The following COL4A4 variants were observed in gnomAD, a reference collection of about 807,000 sequenced individuals.
COL4A4 encodes the protein collagen alpha-4(IV) chain.
A neutral mutation model predicts 192.9 loss-of-function variants in COL4A4; 105 were observed. The observed-to-expected ratio is 0.54, with a 90% CI of 0.46 to 0.64. The LOEUF (loss-of-function observed/expected upper bound fraction) is 0.64. Among genes scored for constraint, COL4A4 ranks in the 30% least tolerant of loss-of-function variants. The pLI, the probability that COL4A4 is intolerant of heterozygous loss-of-function variation, is 0.00. For missense variants in COL4A4, 1,967 were observed against 2,169.3 expected (o/e 0.91, Z 1.85); for synonymous variants, 762 against 769.9 (o/e 0.99, Z 0.17).
intron 23 of COL4A4, among the ~76,000 whole-genome samples, chr2:227,081,506 C>G (rs901399732): frequency 3.9e-5 from 6 of 152,062 alleles, no homozygotes; most frequent in Admixed American, 3.9e-4. Flanking sequence ...ACTTTTGAGG[C>G]TTTTGGACTC....
intron 28 of COL4A4, 92 bp downstream of exon 28, chr2:227,059,313 T>A (rs1329398181): frequency 1.9e-6 from 2 of 1,077,556 alleles, no homozygotes; most frequent in East Asian, 4.7e-5. Flanking sequence ...ATATTCTACA[T>A]GCCTAAAGCA....
At chr2:227,013,990 G>T (rs1006998052) in intron 44 of COL4A4, among the ~76,000 whole-genome samples, 1 of 152,186 alleles carries the variant, frequency 6.6e-6, no homozygotes, top group Admixed American at 6.5e-5. Context: ...ATGCATGGAG[G>T]TTTAAGGAGG....
Position 227,077,874 on chromosome 2 carries a change from T to TA in COL4A4, c.1987+19dup. On this transcript the variant is annotated intron_variant, in intron 25 of 47. Transcript: ENST00000396625. ...TGTACCCCAAAGCTATTGAAATAAA[T>TA]AAAATTTTTTTAAAATTACCTTTCT... 6.2e-7 allele frequency: 1 copy of TA among 1,603,186 alleles called. No individual in the cohort carries two copies. The highest frequency in any genetic ancestry group is 1.3e-5 in the African/African-American group (1 of 74,682).
chr2:227,007,142 A>G lies in COL4A4; in HGVS notation c.*183T>C. 2 of 813,508 alleles carry G rather than the reference A, an allele frequency of 2.5e-6. No homozygotes were observed. The highest frequency in any genetic ancestry group is 3.1e-5 in the South Asian group (2 of 65,324). 50.4% of individuals were successfully genotyped at this position (813,508 alleles called of 1,614,324 possible). On this transcript the variant is annotated 3_prime_UTR_variant, in exon 48 of 48. Transcript: ENST00000396625. Reference sequence around the variant, plus strand: ...TAGATTGGGAGGTCCAAACAAATCCATCTGTGCAGCATTTGCTTAATGTGT... The same window carrying G: ...TAGATTGGGAGGTCCAAACAAATCCGTCTGTGCAGCATTTGCTTAATGTGT...
chr2:227,095,725 T>G (rs2150706294), intron 19 of COL4A4, among the ~76,000 whole-genome samples: 1 of 152,258 alleles, frequency 6.6e-6, no homozygotes, highest in Middle Eastern at 3.4e-3. Flanking sequence ...TGAAACCCCA[T>G]CTCTACTAAA....
rs770419378 is a variant in COL4A4 at position 227,010,468 on chromosome 2, T to A, written c.4367A>T (p.Lys1456Ile). 1.3e-6 allele frequency: 2 copies of A among 1,597,588 alleles called. No homozygotes were observed. Among genetic ancestry groups the A allele is most frequent in the African/African-American group, 2.7e-5 (2 of 74,238 alleles). Residue 1456 changes from lysine (K) to isoleucine (I), a missense_variant, in exon 46 of 48, where the codon AAA becomes ATA. Physicochemically the swap from Lys to Ile is moderately radical, Grantham distance 102. Coordinates refer to ENST00000396625, the MANE Select transcript of COL4A4 (RefSeq NM_000092.5). ...PPGPIGDPGP[K>I]GFGPGYLGGF... ...ACCGAGGTATCCAGGGCCAAACCCT[T>A]TGGGCCCAGGATCCCCAATGGGACC...
intron 7 of COL4A4, among the ~76,000 whole-genome samples, chr2:227,116,718 A>G (rs2061509039): frequency 6.6e-6 from 1 of 152,236 alleles, no homozygotes; most frequent in Non-Finnish European, 1.5e-5. Flanking sequence ...CTTAGTAAAG[A>G]GAAACCAGGA....
chr2:226,979,120 C>G, the COL4A4 span, among the ~76,000 whole-genome samples: 1 of 152,068 alleles, frequency 6.6e-6, no homozygotes, highest in African/African-American at 2.4e-5. Flanking sequence ...AGCCTCAAAA[C>G]AAAGGAAACC....
At position 227,059,809 on chromosome 2, in the gene COL4A4, T is replaced by C. The variant is rs139058034; in HGVS notation, c.2165-186A>G. On this transcript the variant is annotated intron_variant, in intron 27 of 47. Coordinates refer to ENST00000396625, the MANE Select transcript of COL4A4 (RefSeq NM_000092.5). ...GAGAGAGAAACTGCAACTTTGTGTT[T>C]CCTATAAGCCAATGATGTTTCCCTA... Among the ~76,000 whole-genome samples the C allele has an allele frequency of 1.8e-3, 274 of 152,318 alleles. 3 individuals are homozygous for C. Among genetic ancestry groups the C allele is most frequent in the Non-Finnish European group, 3.4e-3 (232 of 68,042 alleles).
chr2:226,988,065 T>C, the COL4A4 span, among the ~76,000 whole-genome samples: 1 of 152,104 alleles, frequency 6.6e-6, no homozygotes, highest in East Asian at 1.9e-4. Context: ...TCATAGCAGG[T>C]GGCAAGCAGC....
rs889248993 is a variant in COL4A4, at chr2:227,050,968, G to A, written c.3150+9C>T. 19 of 1,614,018 alleles carry A rather than the reference G, an allele frequency of 1.2e-5. No individual in the cohort carries two copies. The East Asian group carries it at 4.2e-4, about 36-fold the overall frequency. On this transcript the variant is annotated intron_variant, in intron 33 of 47. Transcript: ENST00000396625. ...TTGTCTCTTCCCCCACAAAGCAGTA[G>A]CCCCTTACCTGGTCACCTGGAAGTC... is the stretch of plus-strand genomic sequence containing the variant.
At chr2:226,977,431 C>G in the COL4A4 span, among the ~76,000 whole-genome samples, 1 of 152,146 alleles carries the variant, frequency 6.6e-6, no homozygotes, top group African/African-American at 2.4e-5. Flanking sequence ...AAAAGAATCC[C>G]TTATGGTTTT....
chr2:227,050,158 T>C (rs1275087745), intron 33 of COL4A4, 27 bp from the exon 34 acceptor site: 1 of 1,595,902 alleles, frequency 6.3e-7, no homozygotes, highest in African/African-American at 1.3e-5. Flanking sequence ...ACAAAAGGCC[T>C]TAATCAGATT....
intron 35 of COL4A4, among the ~76,000 whole-genome samples, chr2:227,046,935 T>C (rs1348354313): frequency 6.6e-6 from 1 of 152,072 alleles, no homozygotes; most frequent in Non-Finnish European, 1.5e-5. Flanking sequence ...ATGACTTAGA[T>C]TTCTTGTTGG....
the COL4A4 span, chr2:226,995,578 T>A: frequency 8.5e-7 from 1 of 1,174,288 alleles, no homozygotes; most frequent in Non-Finnish European, 1.3e-6. Context: ...ATTTGGCTCA[T>A]TCCCCAAGCC....
intron 20 of COL4A4, among the ~76,000 whole-genome samples, chr2:227,090,482 C>A (rs747837498): frequency 6.6e-6 from 1 of 152,116 alleles, no homozygotes; most frequent in Non-Finnish European, 1.5e-5. Flanking sequence ...GGTGCGATGG[C>A]TCACACCTGT....
chr2:227,023,972 C>G (rs1966522306), intron 43 of COL4A4, among the ~76,000 whole-genome samples: 2 of 150,968 alleles, frequency 1.3e-5, no homozygotes, highest in South Asian at 4.3e-4. Flanking sequence ...CACCATTAAA[C>G]TCCAGCCTGG....
intron 1 of COL4A4, among the ~76,000 whole-genome samples, chr2:227,160,395 A>C (rs1387550366): frequency 1.3e-5 from 2 of 152,190 alleles, no homozygotes; most frequent in Non-Finnish European, 2.9e-5. Context: ...AGCCAGTGAA[A>C]TGTGAGTAGA....
intron 27 of COL4A4, 23 bp downstream of exon 27, chr2:227,060,113 A>AAC: frequency 2.4e-6 from 3 of 1,269,948 alleles, no homozygotes; most frequent in South Asian, 1.3e-5. Context: ...AAAAAAAAAA[A>AAC]AAAAAAAAAA....
Sources: gnomAD v4.1 joint callset for allele counts (sites outside exome capture counted in the v4.1 genomes callset) on GRCh38, gnomAD v4.1.1 for gene constraint, MANE v1.5 for transcripts, NCBI Gene and HGNC (gene_info 2026-07-23, HGNC 2026-07-21) for gene names.